EBF3: variants seen among roughly 807,000 people sequenced by gnomAD.
EBF3 encodes EBF transcription factor 3.
A neutral mutation model predicts 77.1 loss-of-function variants in EBF3; 18 were observed. The ratio of observed to expected loss-of-function variants is 0.23; its 90% CI spans 0.16 to 0.35. The LOEUF is 0.35. Among genes scored for constraint, EBF3 ranks in the 10% least tolerant of loss-of-function variants. The pLI is 1.00. For missense variants in EBF3, 558 were observed against 860.0 expected, an observed-to-expected ratio of 0.65 and a Z score of 4.39; for synonymous variants, 350 against 343.5, an observed-to-expected ratio of 1.02 and a Z score of -0.21.
At chr10:129,890,612 A>C (rs1853956969) in intron 6 of EBF3, among the ~76,000 whole-genome samples, 1 of 152,234 alleles carries the variant, frequency 6.6e-6, no homozygotes, top group African/African-American at 2.4e-5. Flanking sequence ...GATAGGATAC[A>C]TTTCTTTCTT....
chr10:129,923,574 C>G (rs986827506), intron 6 of EBF3, among the ~76,000 whole-genome samples: 1 of 152,168 alleles, frequency 6.6e-6, no homozygotes, highest in Admixed American at 6.5e-5. Flanking sequence ...GCTGGGAAAG[C>G]TGGACTCCGA....
chr10:129,883,500 G>C (rs765394826), intron 6 of EBF3, among the ~76,000 whole-genome samples: 1 of 152,170 alleles, frequency 6.6e-6, no homozygotes, highest in Non-Finnish European at 1.5e-5. Flanking sequence ...CTCTTAATAA[G>C]CAGCAAACTC....
rs148512369 is a variant in EBF3 at position 129,840,309 on chromosome 10, G to A, written c.1695C>T (p.Pro565=). The change falls in exon 15 of 17, where the codon CCC becomes CCT. Residue 565 remains proline, a synonymous_variant. Coordinates refer to ENST00000440978, the MANE Select transcript of EBF3 (RefSeq NM_001375380.1). The part of the protein sequence containing the change: ...SAVKQKSAFA[P]VVRPQASPPP... ...GAGGAGAGGCTTGGGGCCGGACCAC[G>A]GGCGCGAAGGCGCTCTTCTGTTTCA... 2,771 of 1,591,842 alleles carry A rather than the reference G, an allele frequency of 1.7e-3. 2 individuals carry two copies. Among genetic ancestry groups the A allele is most frequent in the Non-Finnish European group, 2.2e-3 (2,607 of 1,169,286 alleles).
Position 129,963,305 on chromosome 10 carries a change from C to G in EBF3, c.291+62G>C. The G allele has an allele frequency of 6.5e-7, 1 of 1,546,316 alleles. No individual in the cohort carries two copies. Among genetic ancestry groups the G allele is most frequent in the Non-Finnish European group, 8.7e-7 (1 of 1,148,982 alleles). On this transcript the variant is annotated intron_variant, in intron 2 of 16. Transcript: ENST00000440978. The surrounding 1 kb of genome is among the most constrained non-coding windows in gnomAD (Gnocchi z 7.1). Reference sequence around the variant, plus strand: ...AGGGGGGCACTCGAACCCCCGCGCACCGGCACCGCCTGCCTCCCGCTTCTA... The same window carrying G: ...AGGGGGGCACTCGAACCCCCGCGCAGCGGCACCGCCTGCCTCCCGCTTCTA...
At position 129,963,272 on chromosome 10, in the gene EBF3, C is replaced by T; in HGVS notation, c.291+95G>A. The T allele has an allele frequency of 5.3e-6, 8 of 1,495,776 alleles. No homozygotes were observed. The highest frequency in any genetic ancestry group is 7.1e-6 in the Non-Finnish European group (8 of 1,127,436). The allele number at this position is 1,495,776 out of a possible 1,614,324, so 92.7% of individuals were successfully genotyped here. On this transcript the variant is annotated intron_variant, in intron 2 of 16. Coordinates refer to ENST00000440978, the MANE Select transcript of EBF3 (RefSeq NM_001375380.1). The surrounding 1 kb of genome is among the most constrained non-coding windows in gnomAD (Gnocchi z 7.1). ...CGGGGTGGCCTGGCGGAGCCGAGCC[C>T]GCCGCCTAGGGGGGCACTCGAACCC...
intron 6 of EBF3, among the ~76,000 whole-genome samples, chr10:129,890,325 G>A (rs1354967096): frequency 6.6e-6 from 1 of 152,202 alleles, no homozygotes; most frequent in Non-Finnish European, 1.5e-5. Context: ...CCAGGCGGCA[G>A]GCCGGCTCCA....
At chr10:129,883,078 T>G (rs1853319877) in intron 6 of EBF3, among the ~76,000 whole-genome samples, 1 of 152,226 alleles carries the variant, frequency 6.6e-6, no homozygotes, top group Non-Finnish European at 1.5e-5. Context: ...TTGTTTGAAA[T>G]TACCTACTTC....
chr10:129,874,863 T>C (rs1432637506), intron 7 of EBF3, among the ~76,000 whole-genome samples: 1 of 152,060 alleles, frequency 6.6e-6, no homozygotes, highest in Non-Finnish European at 1.5e-5. Context: ...TCGCGACACA[T>C]CAGTGTTGGG....
At chr10:129,865,046 A>T (rs977091799) in intron 10 of EBF3, among the ~76,000 whole-genome samples, 1 of 152,184 alleles carries the variant, frequency 6.6e-6, no homozygotes, top group Non-Finnish European at 1.5e-5. Flanking sequence ...TGCAAACACC[A>T]GGTCTTTGCA....
chr10:129,889,942 G>A (rs1853891209), intron 6 of EBF3, among the ~76,000 whole-genome samples: 1 of 130,352 alleles, frequency 7.7e-6, no homozygotes. Flanking sequence ...GCCCATTGAA[G>A]TGCCTTTTTT....
At position 129,935,978 on chromosome 10, in the gene EBF3, G is replaced by GC. The variant is rs143152759; in HGVS notation, c.554+21279dup. 3.4e-3 allele frequency among the ~76,000 whole-genome samples: 509 copies of GC among 150,120 alleles called. 8 individuals are homozygous for GC. The highest frequency in any genetic ancestry group is 1.0e-2 in the African/African-American group (398 of 39,894). ...ATCCATCGGGGGGCTTCCTGAAGCT[G>GC]CCCCCCCCGCCCAACAATGCAGCTG... On this transcript the variant is annotated intron_variant, in intron 6 of 16. Coordinates refer to ENST00000440978, the MANE Select transcript of EBF3 (RefSeq NM_001375380.1). The surrounding 1 kb of genome is among the most constrained non-coding windows in gnomAD (Gnocchi z 4.2).
At chr10:129,957,577 G>T (rs1859140830) in intron 5 of EBF3, among the ~76,000 whole-genome samples, 1 of 152,174 alleles carries the variant, frequency 6.6e-6, no homozygotes. Flanking sequence ...TATAGATTGT[G>T]ATGCTAAAAT....
chr10:129,840,570 G>A (rs1355475633), intron 14 of EBF3, 128 bp from the exon 15 acceptor site: 13 of 1,110,326 alleles, frequency 1.2e-5, no homozygotes, highest in South Asian at 3.0e-5. Context: ...CGTCTGGCTC[G>A]GCCACGCTCT....
chr10:129,963,803 A>C lies in EBF3; in HGVS notation c.-35T>G, dbSNP rs779690094. The C allele has an allele frequency of 1.1e-5, 17 of 1,487,794 alleles. No homozygotes were observed. In the South Asian group the frequency reaches 2.0e-4, roughly 17 times the overall value. The allele number at this position is 1,487,794 out of a possible 1,614,324, so 92.2% of individuals were successfully genotyped here. On this transcript the variant is annotated 5_prime_UTR_variant, in exon 1 of 17. Coordinates refer to ENST00000440978, the MANE Select transcript of EBF3 (RefSeq NM_001375380.1). This position sits in a 1 kb window ranked among gnomAD's most constrained non-coding sequence, Gnocchi z 7.1. ...TGGCGGCGGCCGCAGCTCCCGGCCG[A>C]AAGCGTTTCCTCGAGCAGCGGCGCT...
chr10:129,843,462 G>A (rs971244179), intron 11 of EBF3: 22 of 426,032 alleles, frequency 5.2e-5, no homozygotes, highest in African/African-American at 3.1e-4. Flanking sequence ...AGAGGTGCAC[G>A]GACAAGCGGG....
chr10:129,860,572 G>A (rs1254309704), intron 10 of EBF3, among the ~76,000 whole-genome samples: 1 of 152,190 alleles, frequency 6.6e-6, no homozygotes, highest in Non-Finnish European at 1.5e-5. Flanking sequence ...GGTGCAGGGT[G>A]CAGACTTGGT....
chr10:129,886,385 C>G (rs1853587076), intron 6 of EBF3, among the ~76,000 whole-genome samples: 1 of 152,194 alleles, frequency 6.6e-6, no homozygotes, highest in South Asian at 2.1e-4. Flanking sequence ...GTGTGCAAAG[C>G]CTTAACTTCA....
intron 10 of EBF3, among the ~76,000 whole-genome samples, chr10:129,852,561 A>C (rs1247881665): frequency 6.6e-6 from 1 of 152,180 alleles, no homozygotes; most frequent in Non-Finnish European, 1.5e-5. Flanking sequence ...TTTGTCAGCC[A>C]GCCCCGCCCT....
intron 10 of EBF3, among the ~76,000 whole-genome samples, chr10:129,853,947 G>A (rs771880969): frequency 1.3e-5 from 2 of 152,200 alleles, no homozygotes; most frequent in Admixed American, 6.5e-5. Context: ...ATTGTGCGGT[G>A]AAGAATGTTT....
Sources: gnomAD v4.1 joint callset for allele counts (sites outside exome capture counted in the v4.1 genomes callset) on GRCh38, gnomAD v4.1.1 for gene constraint, Gnocchi (gnomAD v3.1) non-coding constraint, MANE v1.5 for transcripts, NCBI Gene and HGNC (gene_info 2026-07-23, HGNC 2026-07-21) for gene names.